Variants in RHOA observed in about 807,000 individuals in gnomAD.
The protein encoded by RHOA is ras homolog family member A.
In RHOA, 3 loss-of-function variants were observed where a neutral mutation model predicts 17.5. The observed-to-expected ratio is 0.17, with a 90% CI of 0.08 to 0.44. The LOEUF (loss-of-function observed/expected upper bound fraction) is 0.44. RHOA is among the 20% of genes least tolerant of loss of function. The pLI, the probability that RHOA is intolerant of heterozygous loss-of-function variation, is 0.99. For missense variants in RHOA, 56 were observed against 242.3 expected (o/e 0.23, Z 5.10); for synonymous variants, 98 against 88.4 (o/e 1.11, Z -0.61).
intron 2 of RHOA, among the ~76,000 whole-genome samples, chr3:49,370,137 C>T (rs1008283836): frequency 1.3e-5 from 2 of 151,876 alleles, no homozygotes; most frequent in African/African-American, 4.8e-5. Context: ...GTCCCAGCTA[C>T]TTGGGAGACT....
Position 49,387,117 on chromosome 3 carries a change from C to CAA in RHOA, c.-2-11528_-2-11527dup, listed in dbSNP as rs56262356. Among the ~76,000 whole-genome samples, 14 of 24,642 alleles carry CAA rather than the reference C, an allele frequency of 5.7e-4. 1 individual carries two copies. The highest frequency in any genetic ancestry group is 8.5e-4 in the African/African-American group (6 of 7,024). 16.2% of individuals were successfully genotyped at this position (24,642 alleles called of 152,430 possible). Reference sequence around the variant, plus strand: ...GGGCAACAAGAGAGAAACTCCGTCTCAAAAAAAAAAAAAAAAAAAAAAAAA... The same window carrying CAA: ...GGGCAACAAGAGAGAAACTCCGTCTCAAAAAAAAAAAAAAAAAAAAAAAAAAA... On this transcript the variant is annotated intron_variant, in intron 1 of 4. Coordinates refer to ENST00000418115, the MANE Select transcript of RHOA (RefSeq NM_001664.4).
At chr3:49,383,904 C>T (rs1307758609) in intron 1 of RHOA, among the ~76,000 whole-genome samples, 1 of 152,134 alleles carries the variant, frequency 6.6e-6, no homozygotes, top group Non-Finnish European at 1.5e-5. Context: ...GTGGCATCTG[C>T]CTGTAATCCC....
intron 1 of RHOA, among the ~76,000 whole-genome samples, chr3:49,408,294 A>C (rs977170804): frequency 6.6e-6 from 1 of 151,572 alleles, no homozygotes; most frequent in Non-Finnish European, 1.5e-5. Context: ...ACAAGTATAT[A>C]TACATATACA....
At chr3:49,365,588 C>CT (rs62741361) in intron 3 of RHOA, among the ~76,000 whole-genome samples, 5,997 of 124,928 alleles carry the variant, frequency 0.048, 453 homozygotes, top group African/African-American at 0.15. Flanking sequence ...AATTTTCAAA[C>CT]TTTTTTTTTT....
chr3:49,401,923 C>T (rs535921021), intron 1 of RHOA, among the ~76,000 whole-genome samples: 2 of 152,294 alleles, frequency 1.3e-5, no homozygotes, highest in East Asian at 3.9e-4. Flanking sequence ...TTTGGCCATC[C>T]TGATCAAGTG....
At chr3:49,406,213 C>T (rs2048830478) in intron 1 of RHOA, among the ~76,000 whole-genome samples, 1 of 152,082 alleles carries the variant, frequency 6.6e-6, no homozygotes. Flanking sequence ...ACTTCCTTAA[C>T]CTCTCAAAGC....
intron 2 of RHOA, among the ~76,000 whole-genome samples, chr3:49,373,997 C>G (rs17080567): frequency 6.6e-6 from 1 of 152,034 alleles, no homozygotes; most frequent in Non-Finnish European, 1.5e-5. Flanking sequence ...AAGCACTGTT[C>G]TCACCATCAA....
chr3:49,411,555 G>A (rs1384883543), intron 1 of RHOA, among the ~76,000 whole-genome samples: 4 of 151,814 alleles, frequency 2.6e-5, no homozygotes, highest in African/African-American at 9.7e-5. Context: ...CAGGCGGGCA[G>A]CCTGGGCTCC....
rs1012888061 is a variant in RHOA, at chr3:49,392,290, C to T, written c.-2-16699G>A. Among the ~76,000 whole-genome samples the T allele has an allele frequency of 5.3e-5, 8 of 150,472 alleles. No homozygotes were observed. In the East Asian group the frequency reaches 6.0e-4, roughly 11 times the overall value. ...CTACAAATAATAAAAATTAGCCAGG[C>T]GTGTTGGTGAGTGTCTGTAATCCCA... On this transcript the variant is annotated intron_variant, in intron 1 of 4. Coordinates refer to ENST00000418115, the MANE Select transcript of RHOA (RefSeq NM_001664.4).
intron 4 of RHOA, among the ~76,000 whole-genome samples, chr3:49,360,618 C>T (rs2047951250): frequency 6.6e-6 from 1 of 152,016 alleles, no homozygotes; most frequent in Non-Finnish European, 1.5e-5. Flanking sequence ...CAGGTGCCCA[C>T]CACCACGCCC....
chr3:49,369,008 T>G (rs1450614600), intron 2 of RHOA, among the ~76,000 whole-genome samples: 2 of 8,930 alleles, frequency 2.2e-4, no homozygotes, highest in Non-Finnish European at 4.0e-4. Flanking sequence ...CGCCTGGCCT[T>G]TTTTTTTTTT....
intron 1 of RHOA, among the ~76,000 whole-genome samples, chr3:49,386,565 A>G (rs994488345): frequency 6.6e-6 from 1 of 152,124 alleles, no homozygotes; most frequent in Non-Finnish European, 1.5e-5. Flanking sequence ...CAGAGTACAC[A>G]TTTCTAAACA....
intron 4 of RHOA, among the ~76,000 whole-genome samples, 187 bp from the exon 5 acceptor site, chr3:49,360,569 G>A (rs2047950101): frequency 6.6e-6 from 1 of 151,992 alleles, no homozygotes; most frequent in Admixed American, 6.6e-5. Flanking sequence ...CTGGGTTCAA[G>A]GGATTCTCCC....
rs546941147 is a variant in RHOA, at chr3:49,381,851, G to A, written c.-2-6260C>T. On this transcript the variant is annotated intron_variant, in intron 1 of 4. Coordinates refer to ENST00000418115, the MANE Select transcript of RHOA (RefSeq NM_001664.4). Reference sequence around the variant, plus strand: ...CTGCACTCCAGTTTAGGCAACAAGAGCGAAAATTCGTCTCAAAAAAAAAAA... The same window carrying A: ...CTGCACTCCAGTTTAGGCAACAAGAACGAAAATTCGTCTCAAAAAAAAAAA... Among the ~76,000 whole-genome samples the A allele has an allele frequency of 2.3e-4, 34 of 145,974 alleles. No homozygotes were observed. In the South Asian group the frequency reaches 6.2e-3, roughly 27 times the overall value.
At chr3:49,398,443 G>T (rs2048655941) in intron 1 of RHOA, among the ~76,000 whole-genome samples, 1 of 151,934 alleles carries the variant, frequency 6.6e-6, no homozygotes. Context: ...ACATAAAAGG[G>T]GGTAATTACA....
At position 49,360,109 on chromosome 3, in the gene RHOA, G is replaced by A. The variant is rs1297383245; in HGVS notation, c.*100C>T. The A allele has an allele frequency of 2.4e-6, 3 of 1,251,414 alleles. No homozygotes were observed. Among genetic ancestry groups the A allele is most frequent in the Admixed American group, 4.7e-5 (2 of 42,166 alleles). 77.5% of individuals were successfully genotyped at this position (1,251,414 alleles called of 1,614,324 possible). ...GATGACTTCTGATTTGTAATCTTAG[G>A]TAAATTATAGATAAATGAAAAAGGC... On this transcript the variant is annotated 3_prime_UTR_variant, in exon 5 of 5. Coordinates refer to ENST00000418115, the MANE Select transcript of RHOA (RefSeq NM_001664.4).
intron 2 of RHOA, among the ~76,000 whole-genome samples, chr3:49,374,729 A>G (rs2048198957): frequency 6.6e-6 from 1 of 152,046 alleles, no homozygotes; most frequent in Non-Finnish European, 1.5e-5. Context: ...CTCAAACAAC[A>G]AAACAAAACA....
chr3:49,397,950 T>C (rs781738593), intron 1 of RHOA, among the ~76,000 whole-genome samples: 1 of 152,226 alleles, frequency 6.6e-6, no homozygotes, highest in Non-Finnish European at 1.5e-5. Context: ...TTAGCGGGAC[T>C]GCTAGGCAGT....
At chr3:49,399,138 G>A (rs2048675108) in intron 1 of RHOA, among the ~76,000 whole-genome samples, 1 of 149,726 alleles carries the variant, frequency 6.7e-6, no homozygotes, top group Non-Finnish European at 1.5e-5. Flanking sequence ...GGGAGGCCGA[G>A]GCAGGCAGAT....
Sources: gnomAD v4.1 joint callset for allele counts (sites outside exome capture counted in the v4.1 genomes callset) on GRCh38, gnomAD v4.1.1 for gene constraint, MANE v1.5 for transcripts, NCBI Gene and HGNC (gene_info 2026-07-23, HGNC 2026-07-21) for gene names.